The following ACVR1C variants were observed in gnomAD, a reference collection of about 807,000 sequenced individuals.
ACVR1C encodes the protein activin receptor type-1C.
A neutral mutation model predicts 57.9 loss-of-function variants in ACVR1C; 23 were observed. That is an observed-to-expected ratio of 0.40 (90% CI 0.29 to 0.56). The LOEUF (loss-of-function observed/expected upper bound fraction) is 0.56, where lower values mean the gene tolerates loss of function less well. ACVR1C is among the 20% of genes least tolerant of loss of function. ACVR1C has a pLI of 0.50. For synonymous variants in ACVR1C, 214 were observed against 215.3 expected (o/e 0.99, Z 0.05); for missense variants, 480 against 607.9 (o/e 0.79, Z 2.21).
Position 157,530,771 on chromosome 2 carries a change from A to T in ACVR1C, c.*3147T>A, listed in dbSNP as rs1687333901. 1 of 152,124 alleles carries T rather than the reference A, an allele frequency of 6.6e-6. No individual in the cohort carries two copies. The highest frequency in any genetic ancestry group is 2.1e-4 in the South Asian group (1 of 4,830). 9.4% of individuals were successfully genotyped at this position (152,124 alleles called of 1,614,324 possible). On this transcript the variant is annotated 3_prime_UTR_variant, in exon 9 of 9. Transcript: ENST00000243349. ...AACTCTCAAGTCAGAACATAAATTAAGAATTCTAGATGTGACATGCCAAAT... is the reference window on the plus strand; with the variant it reads ...AACTCTCAAGTCAGAACATAAATTATGAATTCTAGATGTGACATGCCAAAT...
At chr2:157,560,521 T>C (rs1458252371) in intron 2 of ACVR1C, among the ~76,000 whole-genome samples, 1 of 152,208 alleles carries the variant, frequency 6.6e-6, no homozygotes, top group Non-Finnish European at 1.5e-5. Flanking sequence ...TGCTTAACTT[T>C]GAAACTTTCA....
chr2:157,587,203 T>C lies in ACVR1C; in HGVS notation c.288A>G (p.Thr96=), dbSNP rs116298845. The C allele has an allele frequency of 1.1e-5, 17 of 1,612,262 alleles. No homozygotes were observed. The East Asian group carries it at 2.9e-4, about 27-fold the overall frequency. The part of the protein sequence containing the change: ...CCFTDFCNNI[T]LHLPTASPNA... ...ACCCCTTACCTGTTGGAAGGTGCAG[T>C]GTTATGTTGTTGCAAAAATCTGTGA... Residue 96 remains threonine, a synonymous_variant, in exon 2 of 9, where the codon ACA becomes ACG. Coordinates refer to ENST00000243349, the MANE Select transcript of ACVR1C (RefSeq NM_145259.3).
At chr2:157,554,240 A>AAAGAAAGAAAGAAAGAAAGG (rs1688011001) in intron 3 of ACVR1C, among the ~76,000 whole-genome samples, 1 of 135,194 alleles carries the variant, frequency 7.4e-6, no homozygotes, top group South Asian at 2.3e-4. Flanking sequence ...AGAAAGAAAG[A>AAAGAAAGAAAGAAAGAAAGG]AAGAAAGAAA....
Position 157,600,888 on chromosome 2 carries a change from C to T in ACVR1C, c.74-13471G>A, listed in dbSNP as rs1291543027. ...ATATATTGTGCAAACATAAAAAGGG[C>T]GCATCACCTACCCCTCCCTTCAAAG... On this transcript the variant is annotated intron_variant, in intron 1 of 8. Transcript: ENST00000243349. Among the ~76,000 whole-genome samples the T allele has an allele frequency of 3.2e-4, 49 of 152,112 alleles. 1 individual carries two copies. Among genetic ancestry groups the T allele is most frequent in the Non-Finnish European group, 2.9e-5 (2 of 68,016 alleles).
In ACVR1C at chr2:157,628,766, G is replaced by T. The variant is rs1228575961; in HGVS notation, c.-122C>A. 3 of 843,640 alleles carry T rather than the reference G, an allele frequency of 3.6e-6. No homozygotes were observed. Among genetic ancestry groups the T allele is most frequent in the Non-Finnish European group, 5.2e-6 (3 of 580,660 alleles). The allele number at this position is 843,640 out of a possible 1,614,324, so 52.3% of individuals were successfully genotyped here. A position where few individuals can be genotyped will look rare whatever the true frequency, so the allele number is the denominator to read the frequency against. The stretch of plus-strand genomic sequence containing the variant: ...GGGAGCGCGGCACCGACACCCTTTT[G>T]AAGTGCGCGGTTGGCTCTAGTCAGT... On this transcript the variant is annotated 5_prime_UTR_variant, in exon 1 of 9. Coordinates refer to ENST00000243349, the MANE Select transcript of ACVR1C (RefSeq NM_145259.3).
chr2:157,538,776 T>C (rs1215426505), intron 7 of ACVR1C, 73 bp from the exon 8 acceptor site: 1 of 1,295,320 alleles, frequency 7.7e-7, no homozygotes, highest in Non-Finnish European at 1.0e-6. Context: ...ATAATACCAA[T>C]TAAGTTTTCT....
chr2:157,596,640 T>A (rs1682125366), intron 1 of ACVR1C, among the ~76,000 whole-genome samples: 1 of 152,232 alleles, frequency 6.6e-6, no homozygotes, highest in Non-Finnish European at 1.5e-5. Flanking sequence ...TTTCTTCCAA[T>A]TTATGATTTG....
chr2:157,598,693 C>G (rs2105137130), intron 1 of ACVR1C, among the ~76,000 whole-genome samples: 1 of 152,114 alleles, frequency 6.6e-6, no homozygotes, highest in African/African-American at 2.4e-5. Flanking sequence ...GCGCTCACCA[C>G]CCACCAGGCT....
At chr2:157,597,158 G>A (rs1682144828) in intron 1 of ACVR1C, among the ~76,000 whole-genome samples, 1 of 152,150 alleles carries the variant, frequency 6.6e-6, no homozygotes. Flanking sequence ...TGAGGAAACC[G>A]CGGCAGTCCT....
At chr2:157,549,592 T>C (rs962408986) in intron 4 of ACVR1C, among the ~76,000 whole-genome samples, 1 of 152,152 alleles carries the variant, frequency 6.6e-6, no homozygotes, top group Non-Finnish European at 1.5e-5. Context: ...TGATTTCCCA[T>C]CACTCATTTG....
At chr2:157,584,613 C>T (rs1688873499) in intron 2 of ACVR1C, among the ~76,000 whole-genome samples, 1 of 152,136 alleles carries the variant, frequency 6.6e-6, no homozygotes, top group Admixed American at 6.6e-5. Flanking sequence ...AGAATATGTA[C>T]TAACTGAAAC....
chr2:157,559,396 A>C (rs1688183353), intron 2 of ACVR1C, among the ~76,000 whole-genome samples: 2 of 152,242 alleles, frequency 1.3e-5, no homozygotes, highest in Non-Finnish European at 2.9e-5. Flanking sequence ...TGCTGATGAT[A>C]ATCCCTAGGG....
rs370439692 is a variant in ACVR1C, at chr2:157,626,832, T to C, written c.73+1740A>G. ...AATGATTGCACTTGACATAGAAAAG[T>C]TTTTCATAAAAGTTCAGCTTCAATA... On this transcript the variant is annotated intron_variant, in intron 1 of 8. Transcript: ENST00000243349. 5.9e-5 allele frequency among the ~76,000 whole-genome samples: 9 copies of C among 152,302 alleles called. No individual in the cohort carries two copies. The East Asian group carries it at 1.3e-3, about 23-fold the overall frequency.
At chr2:157,563,935 C>T (rs1393334539) in intron 2 of ACVR1C, among the ~76,000 whole-genome samples, 3 of 152,142 alleles carry the variant, frequency 2.0e-5, no homozygotes, top group Non-Finnish European at 4.4e-5. Context: ...AAAACTGGAT[C>T]CCTTCCTTAC....
chr2:157,584,451 G>A (rs1356454294), intron 2 of ACVR1C, among the ~76,000 whole-genome samples: 1 of 151,932 alleles, frequency 6.6e-6, no homozygotes, highest in Non-Finnish European at 1.5e-5. Context: ...CTTTATAGAG[G>A]AAGATACATA....
At chr2:157,577,064 C>A (rs1299735936) in intron 2 of ACVR1C, among the ~76,000 whole-genome samples, 1 of 46,626 alleles carries the variant, frequency 2.1e-5, no homozygotes, top group African/African-American at 1.1e-4. Context: ...ACCTTGTTAG[C>A]CAGGATGGTC....
intron 8 of ACVR1C, among the ~76,000 whole-genome samples, chr2:157,535,157 A>C (rs1294116701): frequency 6.6e-6 from 1 of 152,070 alleles, no homozygotes; most frequent in East Asian, 1.9e-4. Context: ...AAAAAAAAAA[A>C]AAAAAGGCTT....
chr2:157,597,206 C>T (rs925853943), intron 1 of ACVR1C, among the ~76,000 whole-genome samples: 9 of 152,320 alleles, frequency 5.9e-5, no homozygotes, highest in Non-Finnish European at 1.3e-4. Flanking sequence ...CCTGCTGCGA[C>T]GCGGCCCTGC....
chr2:157,594,877 GTTAT>G (rs1156777189), intron 1 of ACVR1C, among the ~76,000 whole-genome samples: 2 of 152,220 alleles, frequency 1.3e-5, no homozygotes, highest in Non-Finnish European at 2.9e-5. Flanking sequence ...CTAGAAGAGT[GTTAT>G]TTATTTACTT....
Sources: allele counts gnomAD v4.1 joint callset (sites outside exome capture counted in the v4.1 genomes callset), GRCh38; gene constraint gnomAD v4.1.1; transcripts MANE v1.5; gene names NCBI Gene and HGNC (gene_info 2026-07-23, HGNC 2026-07-21).